BRAP: variants seen among roughly 807,000 people sequenced by gnomAD.
The protein encoded by BRAP is BRCA1-associated protein.
A neutral mutation model predicts 73.4 loss-of-function variants in BRAP; 42 were observed. The observed-to-expected ratio is 0.57, with a 90% CI of 0.45 to 0.74. The LOEUF (loss-of-function observed/expected upper bound fraction) is 0.74. Among genes scored for constraint, BRAP ranks in the 30% least tolerant of loss-of-function variants. The probability of loss-of-function intolerance (pLI) is 0.00; values close to 1 mark genes in which losing one functional copy is unlikely to be tolerated. For missense variants in BRAP, 593 were observed against 751.4 expected (o/e 0.79, Z 2.46); for synonymous variants, 255 against 267.4 (o/e 0.95, Z 0.45).
Position 111,660,666 on chromosome 12 carries a change from A to G in BRAP, c.906T>C (p.Val302=), listed in dbSNP as rs774775712. Residue 302 remains valine (V), a synonymous_variant, in exon 7 of 12, where the codon GTT becomes GTC. Coordinates refer to ENST00000419234, the MANE Select transcript of BRAP (RefSeq NM_006768.5). ...GCTCGGGCGTTTGACAGTACCGGCA[A>G]ACAGGACACCTATCCAGGACACCAA... ...LQRWDDTTCP[V]CRYCQTPEPV... is the part of the protein sequence containing the mutation. 6.2e-7 allele frequency: 1 copy of G among 1,607,152 alleles called. No individual in the cohort carries two copies. Among genetic ancestry groups the G allele is most frequent in the Admixed American group, 1.7e-5 (1 of 58,902 alleles).
chr12:111,660,485 A>G (rs1886704937), intron 7 of BRAP, 115 bp downstream of exon 7: 1 of 895,760 alleles, frequency 1.1e-6, no homozygotes, highest in African/African-American at 1.7e-5. Context: ...CCTGTCTCTT[A>G]AAATAAAAAA....
At chr12:111,672,414 T>C (rs1309098290) in intron 5 of BRAP, among the ~76,000 whole-genome samples, 1 of 152,180 alleles carries the variant, frequency 6.6e-6, no homozygotes, top group Non-Finnish European at 1.5e-5. Flanking sequence ...CATTGGCTTG[T>C]AGTATATTCA....
At chr12:111,670,369 A>G (rs7955328) in intron 5 of BRAP, 9 of 394,176 alleles carry the variant, frequency 2.3e-5, no homozygotes, top group Non-Finnish European at 4.0e-5. Flanking sequence ...CTCCCATCCA[A>G]CATTTTCCCC....
chr12:111,680,376 C>CA (rs541761500), intron 3 of BRAP, among the ~76,000 whole-genome samples: 1 of 151,996 alleles, frequency 6.6e-6, no homozygotes, highest in Non-Finnish European at 1.5e-5. Flanking sequence ...TGAAATGCTG[C>CA]AAACTCACTT....
At chr12:111,668,138 C>A (rs1887027538) in intron 5 of BRAP, among the ~76,000 whole-genome samples, 1 of 151,968 alleles carries the variant, frequency 6.6e-6, no homozygotes. Flanking sequence ...ACCTGGGAGG[C>A]ATAGGCTGCA....
chr12:111,681,801 A>G lies in BRAP; in HGVS notation c.279T>C (p.Ser93=), dbSNP rs758742711. The change falls in exon 3 of 12, where the codon TCT becomes TCC. Residue 93 remains serine, a synonymous_variant. Transcript: ENST00000419234. ...ELKTTVEERK[S]SEASPTAQRS... ...TTTGCGCAGTGGGGGAGGCTTCTGA[A>G]GACTTCCTTTCTTCCACTGTAGTTT... The G allele has an allele frequency of 4.4e-5, 71 of 1,611,972 alleles. No homozygotes were observed. Among genetic ancestry groups the G allele is most frequent in the Admixed American group, 1.5e-4 (9 of 59,466 alleles).
chr12:111,679,418 C>A, intron 3 of BRAP, 78 bp from the exon 4 acceptor site: 2 of 1,028,956 alleles, frequency 1.9e-6, no homozygotes, highest in Non-Finnish European at 2.6e-6. Flanking sequence ...CTTTTATGTC[C>A]AAGAAAACAG....
chr12:111,676,787 T>C (rs1887399540), intron 4 of BRAP, among the ~76,000 whole-genome samples: 1 of 152,160 alleles, frequency 6.6e-6, no homozygotes. Context: ...CGGTCTCTAG[T>C]AAGTGCTTCA....
Position 111,681,671 on chromosome 12 carries a change from T to C in BRAP, c.409A>G (p.Ile137Val), listed in dbSNP as rs147210846. 6.2e-7 allele frequency: 1 copy of C among 1,613,698 alleles called. No individual in the cohort carries two copies. Among genetic ancestry groups the C allele is most frequent in the Non-Finnish European group, 8.5e-7 (1 of 1,179,882 alleles). ...SFFSGNPSVEIVHGIMHLYKT... is the reference protein window; with the variant it reads ...SFFSGNPSVEVVHGIMHLYKT... ...TATAGGTGCATAATACCATGAACTA[T>C]TTCAACTGATGGATTTCCACTGAAG... Residue 137 changes from isoleucine to valine, a missense_variant, in exon 3 of 12, where the codon ATA becomes GTA. This residue lies in a region of BRAP where 304 missense variants were observed against 337.7 expected (regional missense o/e 0.90). Coordinates refer to ENST00000419234, the MANE Select transcript of BRAP (RefSeq NM_006768.5).
intron 6 of BRAP, among the ~76,000 whole-genome samples, chr12:111,662,329 T>C (rs1198249357): frequency 1.3e-5 from 2 of 152,086 alleles, no homozygotes; most frequent in East Asian, 3.9e-4. Flanking sequence ...GGCGGGCGGA[T>C]TACCTAAGGT....
chr12:111,683,835 C>T (rs1887693923), intron 1 of BRAP, among the ~76,000 whole-genome samples: 1 of 152,166 alleles, frequency 6.6e-6, no homozygotes, highest in African/African-American at 2.4e-5. Context: ...AGCCACTGCG[C>T]CTGGCCCAAA....
intron 6 of BRAP, among the ~76,000 whole-genome samples, chr12:111,664,735 A>G (rs1460409675): frequency 6.6e-6 from 1 of 152,190 alleles, no homozygotes; most frequent in African/African-American, 2.4e-5. Flanking sequence ...GGGTGGACAG[A>G]GATTCCTGTA....
Position 111,672,994 on chromosome 12 carries a change from A to G in BRAP, c.634-220T>C, listed in dbSNP as rs568536986. The G allele has an allele frequency of 2.4e-4, 111 of 469,002 alleles. 2 individuals are homozygous for G. In the South Asian group the frequency reaches 4.0e-3, roughly 17 times the overall value. 29.1% of individuals were successfully genotyped at this position (469,002 alleles called of 1,614,324 possible). Reference sequence around the variant, plus strand: ...TGTTTACAGTATTTCCTGGGCTACAACAGAGTTTTTACCTGAACTGGCAGA... The same window carrying G: ...TGTTTACAGTATTTCCTGGGCTACAGCAGAGTTTTTACCTGAACTGGCAGA... On this transcript the variant is annotated intron_variant, in intron 4 of 11. Coordinates refer to ENST00000419234, the MANE Select transcript of BRAP (RefSeq NM_006768.5).
intron 7 of BRAP, among the ~76,000 whole-genome samples, chr12:111,660,065 C>A (rs1189247907): frequency 6.6e-6 from 1 of 150,516 alleles, no homozygotes; most frequent in Non-Finnish European, 1.5e-5. Flanking sequence ...CAGAATGATA[C>A]CCTGTCTCAA....
intron 4 of BRAP, among the ~76,000 whole-genome samples, chr12:111,674,784 C>A (rs891433065): frequency 1.3e-5 from 2 of 152,218 alleles, no homozygotes; most frequent in South Asian, 2.1e-4. Flanking sequence ...TTCCCCCATT[C>A]TTCAGGAGCA....
intron 11 of BRAP, among the ~76,000 whole-genome samples, chr12:111,646,015 AC>A (rs1886098346): frequency 2.0e-5 from 3 of 151,780 alleles, no homozygotes; most frequent in African/African-American, 7.3e-5. Context: ...ACCATCTGAG[AC>A]CCAGCAGAGT....
chr12:111,680,877 C>T (rs1051369113), intron 3 of BRAP, among the ~76,000 whole-genome samples: 4 of 152,174 alleles, frequency 2.6e-5, no homozygotes, highest in African/African-American at 9.7e-5. Context: ...CAAATGCTTC[C>T]TTTCCTTGGG....
chr12:111,645,815 C>A (rs2135890300), intron 11 of BRAP, among the ~76,000 whole-genome samples: 1 of 151,972 alleles, frequency 6.6e-6, no homozygotes, highest in South Asian at 2.1e-4. Context: ...AAAGTAAGAC[C>A]CTGTCTCTAC....
At chr12:111,677,109 C>T (rs1323545295) in intron 4 of BRAP, among the ~76,000 whole-genome samples, 1 of 152,146 alleles carries the variant, frequency 6.6e-6, no homozygotes, top group Non-Finnish European at 1.5e-5. Flanking sequence ...AATTCATTCA[C>T]AGTAAATATC....
Sources: gnomAD v4.1 joint callset for allele counts (sites outside exome capture counted in the v4.1 genomes callset) on GRCh38, gnomAD v4.1.1 for gene constraint, gnomAD v4.1.1 regional missense constraint, MANE v1.5 for transcripts, NCBI Gene and HGNC (gene_info 2026-07-23, HGNC 2026-07-21) for gene names.